Variants in CFAP44 observed in about 807,000 individuals in gnomAD.
The protein encoded by CFAP44 is cilia- and flagella-associated protein 44.
In CFAP44, 134 loss-of-function variants were observed where a neutral mutation model predicts 216.2. The observed-to-expected ratio is 0.62, with a 90% CI of 0.54 to 0.72. CFAP44 has a LOEUF of 0.72. CFAP44 is among the 30% of genes least tolerant of loss of function. The pLI, the probability that CFAP44 is intolerant of heterozygous loss-of-function variation, is 0.00. For missense variants in CFAP44, 2,035 were observed against 2,182.1 expected, an observed-to-expected ratio of 0.93 and a Z score of 1.34; for synonymous variants, 700 against 727.6, an observed-to-expected ratio of 0.96 and a Z score of 0.61.
At position 113,288,850 on chromosome 3, in the gene CFAP44, CA is replaced by C. The variant is rs1949800868; in HGVS notation, c.*2706del. 6.6e-6 allele frequency: 1 copy of C among 152,296 alleles called. No individual in the cohort carries two copies. 9.4% of individuals were successfully genotyped at this position (152,296 alleles called of 1,614,324 possible). ...CAACTCCTTTACTCTGAAGTTGTGACAGAGGGGCTGGACTCTGTGGTTTCTT... is the reference window on the plus strand; with the variant it reads ...CAACTCCTTTACTCTGAAGTTGTGACGAGGGGCTGGACTCTGTGGTTTCTT... On this transcript the variant is annotated 3_prime_UTR_variant, in exon 35 of 35. Coordinates refer to ENST00000393845, the MANE Select transcript of CFAP44 (RefSeq NM_001164496.2).
At chr3:113,291,779 C>T in intron 34 of CFAP44, 31 bp from the exon 35 acceptor site, 1 of 1,532,882 alleles carries the variant, frequency 6.5e-7, no homozygotes, top group Middle Eastern at 2.3e-4. Context: ...CCTGTTGAAG[C>T]ATCATTTGGC....
At chr3:113,356,868 C>T (rs1378052149) in intron 22 of CFAP44, among the ~76,000 whole-genome samples, 1 of 152,064 alleles carries the variant, frequency 6.6e-6, no homozygotes, top group Non-Finnish European at 1.5e-5. Flanking sequence ...ACTAAAGCCA[C>T]ATACTACAGC....
rs1348867246 is a variant in CFAP44, at chr3:113,330,363, G to A, written c.3921C>T (p.Leu1307=). ...TGSGGPVGGF[L]KLSSRKDGDL... ...CCCCATCCTTTCTAGAAGAGAGTTTGAGGAATCCTCCAACTGGGCCTCCAG... is the reference window on the plus strand; with the variant it reads ...CCCCATCCTTTCTAGAAGAGAGTTTAAGGAATCCTCCAACTGGGCCTCCAG... Residue 1307 remains leucine (L), a synonymous_variant, in exon 26 of 35, where the codon CTC becomes CTT. Coordinates refer to ENST00000393845, the MANE Select transcript of CFAP44 (RefSeq NM_001164496.2). The A allele has an allele frequency of 6.5e-7, 1 of 1,537,154 alleles. No homozygotes were observed. The highest frequency in any genetic ancestry group is 1.4e-5 in the African/African-American group (1 of 73,022).
intron 1 of CFAP44, among the ~76,000 whole-genome samples, chr3:113,437,510 A>G (rs1935264635): frequency 6.6e-6 from 1 of 152,228 alleles, no homozygotes; most frequent in South Asian, 2.1e-4. Context: ...TATTCCCCAA[A>G]TGGCTAATAC....
intron 4 of CFAP44, 28 bp downstream of exon 4, chr3:113,426,096 A>G (rs1207301163): frequency 3.1e-6 from 5 of 1,605,954 alleles, no homozygotes; most frequent in Non-Finnish European, 4.3e-6. Flanking sequence ...AAATCCCAAA[A>G]TTATACATAT....
intron 31 of CFAP44, chr3:113,304,360 A>G (rs1949965649): frequency 2.1e-6 from 1 of 487,578 alleles, no homozygotes; most frequent in Non-Finnish European, 3.6e-6. Flanking sequence ...CCTATTATCT[A>G]CTGCATAATG....
chr3:113,423,182 A>G (rs894957438), intron 4 of CFAP44, among the ~76,000 whole-genome samples: 3 of 137,294 alleles, frequency 2.2e-5, no homozygotes, highest in African/African-American at 8.2e-5. Context: ...TGGCATGAAC[A>G]TGGCTCCCTG....
At chr3:113,390,636 A>T (rs992480035) in intron 15 of CFAP44, among the ~76,000 whole-genome samples, 3 of 152,182 alleles carry the variant, frequency 2.0e-5, no homozygotes, top group Non-Finnish European at 4.4e-5. Flanking sequence ...TGGTAAACAA[A>T]TTTGGTAAAG....
chr3:113,371,518 G>C (rs934768537), intron 18 of CFAP44, among the ~76,000 whole-genome samples: 1 of 152,148 alleles, frequency 6.6e-6, no homozygotes, highest in African/African-American at 2.4e-5. Flanking sequence ...GGGAAAACTG[G>C]CTAGCCATAT....
In CFAP44 at chr3:113,421,986, A is replaced by T. The variant is rs189108509; in HGVS notation, c.408-1807T>A. 3.0e-4 allele frequency among the ~76,000 whole-genome samples: 46 copies of T among 152,106 alleles called. No individual in the cohort carries two copies. In the East Asian group the frequency reaches 3.9e-3, roughly 13 times the overall value. ...TGCATGTGTACCCTCTGTATCTAAA[A>T]TAAATATATTTTTTTAAAAAAGAGG... On this transcript the variant is annotated intron_variant, in intron 4 of 34. Coordinates refer to ENST00000393845, the MANE Select transcript of CFAP44 (RefSeq NM_001164496.2).
At chr3:113,295,436 C>T (rs150368128) in intron 33 of CFAP44, among the ~76,000 whole-genome samples, 1 of 152,180 alleles carries the variant, frequency 6.6e-6, no homozygotes, top group South Asian at 2.1e-4. Context: ...TTTTAGATTG[C>T]ATATATTATC....
chr3:113,296,537 A>G (rs546472612), intron 33 of CFAP44, among the ~76,000 whole-genome samples, 188 bp downstream of exon 33: 1 of 152,304 alleles, frequency 6.6e-6, no homozygotes, highest in African/African-American at 2.4e-5. Flanking sequence ...ACTCCAAGAT[A>G]AACAAGTCCC....
rs959975104 is a variant in CFAP44, at chr3:113,363,252, C to T, written c.2827G>A (p.Glu943Lys). Residue 943 changes from glutamate (E) to lysine (K), a missense_variant, in exon 21 of 35, where the codon GAA becomes AAA. Transcript: ENST00000393845. The part of the protein sequence containing the change: ...EHDKLMKEVG[E>K]IKARKREQIK... ...TGCTCTCTCTTCCGTGCCTTTATTTCTCCCACTTCTTTCATTAACTTGTCA... is the reference window on the plus strand; with the variant it reads ...TGCTCTCTCTTCCGTGCCTTTATTTTTCCCACTTCTTTCATTAACTTGTCA... 5.6e-6 allele frequency: 9 copies of T among 1,612,824 alleles called. No homozygotes were observed. Among genetic ancestry groups the T allele is most frequent in the Non-Finnish European group, 6.8e-6 (8 of 1,179,632 alleles).
At chr3:113,303,780 G>A (rs1168500497) in intron 32 of CFAP44, 136 bp downstream of exon 32, 2 of 906,634 alleles carry the variant, frequency 2.2e-6, no homozygotes, top group Admixed American at 5.7e-5. Flanking sequence ...GTAGGAAGAT[G>A]TTGTGGTGTT....
intron 6 of CFAP44, among the ~76,000 whole-genome samples, chr3:113,414,542 C>A (rs370342578): frequency 6.6e-6 from 1 of 152,060 alleles, no homozygotes; most frequent in Non-Finnish European, 1.5e-5. Flanking sequence ...CCATCAATAC[C>A]TAGTTTATTG....
intron 2 of CFAP44, among the ~76,000 whole-genome samples, chr3:113,433,339 G>T (rs1026904124): frequency 1.5e-5 from 2 of 136,846 alleles, no homozygotes; most frequent in African/African-American, 5.5e-5. Flanking sequence ...TGAGGCAGGA[G>T]AATCACTTGA....
chr3:113,435,241 A>G (rs1935207303), intron 1 of CFAP44, among the ~76,000 whole-genome samples: 1 of 152,144 alleles, frequency 6.6e-6, no homozygotes, highest in Non-Finnish European at 1.5e-5. Context: ...AGAATGGGTA[A>G]TTTATAAAGG....
At chr3:113,432,451 A>G (rs1935130474) in intron 2 of CFAP44, among the ~76,000 whole-genome samples, 1 of 152,220 alleles carries the variant, frequency 6.6e-6, no homozygotes, top group African/African-American at 2.4e-5. Context: ...TAAAATACTC[A>G]ACTTTTCCCT....
intron 28 of CFAP44, among the ~76,000 whole-genome samples, chr3:113,312,077 T>G (rs1279537176): frequency 2.2e-4 from 33 of 148,300 alleles, no homozygotes; most frequent in African/African-American, 7.2e-4. Flanking sequence ...GTGTGTGTTT[T>G]TTTTTTTTTT....
Sources: gnomAD v4.1 joint callset for allele counts (sites outside exome capture counted in the v4.1 genomes callset) on GRCh38, gnomAD v4.1.1 for gene constraint, MANE v1.5 for transcripts, NCBI Gene and HGNC (gene_info 2026-07-23, HGNC 2026-07-21) for gene names.